CEP85L: variants seen among roughly 807,000 people sequenced by gnomAD.
CEP85L encodes centrosomal protein 85L, also known as centrosomal protein of 85 kDa-like.
A neutral mutation model predicts 100.3 loss-of-function variants in CEP85L; 60 were observed. The ratio of observed to expected loss-of-function variants is 0.60; its 90% CI spans 0.49 to 0.74. The LOEUF is 0.74. Ranked by LOEUF, CEP85L falls within the 30% of genes least tolerant of loss-of-function variation. The pLI, the probability that CEP85L is intolerant of heterozygous loss-of-function variation, is 0.00. For synonymous variants in CEP85L, 319 were observed against 322.7 expected (o/e 0.99, Z 0.12); for missense variants, 973 against 936.2 (o/e 1.04, Z -0.51).
chr6:118,670,928 T>A (rs1776287060), intron 1 of CEP85L, among the ~76,000 whole-genome samples: 1 of 151,098 alleles, frequency 6.6e-6, no homozygotes, highest in African/African-American at 2.4e-5. Flanking sequence ...ACTGCAAAAC[T>A]AGAAATTAGT....
intron 2 of CEP85L, among the ~76,000 whole-genome samples, chr6:118,606,033 T>G (rs997058884): frequency 1.6e-3 from 214 of 129,764 alleles, no homozygotes; most frequent in Middle Eastern, 4.2e-3. Flanking sequence ...AAAAAAAAAG[T>G]GGAAAGCCAA....
intron 11 of CEP85L, 62 bp from the exon 12 acceptor site, chr6:118,469,365 T>C (rs1772768110): frequency 7.6e-7 from 1 of 1,321,890 alleles, no homozygotes; most frequent in Non-Finnish European, 1.1e-6. Context: ...CTCAAAGCCA[T>C]ACAGGTTAAC....
At chr6:118,520,897 T>C (rs1206717627) in intron 4 of CEP85L, among the ~76,000 whole-genome samples, 1 of 152,230 alleles carries the variant, frequency 6.6e-6, no homozygotes, top group Non-Finnish European at 1.5e-5. Flanking sequence ...AGTTAATCTA[T>C]ACACTTTTTC....
intron 4 of CEP85L, among the ~76,000 whole-genome samples, chr6:118,519,370 C>A (rs1045835862): frequency 2.1e-5 from 3 of 145,314 alleles, no homozygotes; most frequent in Admixed American, 7.0e-5. Flanking sequence ...ACCCGGGAGG[C>A]GGAGGTTGCA....
At chr6:118,652,638 G>A, upstream of CEP85L, 2 of 1,526,456 alleles carry the variant, frequency 1.3e-6, no homozygotes, top group South Asian at 2.4e-5. Flanking sequence ...ATTTTAATTG[G>A]GAAATACTAC....
intron 3 of CEP85L, among the ~76,000 whole-genome samples, chr6:118,562,540 T>A (rs895301706): frequency 6.6e-6 from 1 of 152,092 alleles, no homozygotes; most frequent in South Asian, 2.1e-4. Flanking sequence ...ATTCTTTTTA[T>A]TTTTTGTAGA....
intron 3 of CEP85L, among the ~76,000 whole-genome samples, chr6:118,528,215 CTT>C (rs201109993): frequency 4.2e-5 from 6 of 143,028 alleles, no homozygotes; most frequent in Non-Finnish European, 4.6e-5. Context: ...TTTTCTTTTT[CTT>C]TTTTTTTTTT....
intron 2 of CEP85L, among the ~76,000 whole-genome samples, chr6:118,603,980 C>A (rs746127942): frequency 2.4e-4 from 37 of 152,184 alleles, no homozygotes; most frequent in Non-Finnish European, 5.0e-4. Flanking sequence ...TTATAAATAA[C>A]ATACATTAAG....
At chr6:118,514,267 G>A (rs1457941049) in intron 4 of CEP85L, among the ~76,000 whole-genome samples, 1 of 152,160 alleles carries the variant, frequency 6.6e-6, no homozygotes, top group African/African-American at 2.4e-5. Flanking sequence ...GCTCACATCT[G>A]TAATCCTAGC....
chr6:118,687,425 T>C (rs1015797273), intron 1 of CEP85L, among the ~76,000 whole-genome samples: 4 of 152,192 alleles, frequency 2.6e-5, no homozygotes, highest in Admixed American at 6.5e-5. Context: ...TAAGAATCCC[T>C]AAGCCTAGCT....
At chr6:118,706,672 A>G (rs1777601213) in intron 1 of CEP85L, among the ~76,000 whole-genome samples, 1 of 152,088 alleles carries the variant, frequency 6.6e-6, no homozygotes, top group Admixed American at 6.6e-5. Flanking sequence ...TCTTTTCTCA[A>G]CTTGAGATAT....
chr6:118,615,087 G>A (rs1370338181), intron 2 of CEP85L, among the ~76,000 whole-genome samples: 3 of 152,046 alleles, frequency 2.0e-5, no homozygotes, highest in Non-Finnish European at 2.9e-5. Flanking sequence ...CAACGCTGAT[G>A]AGCAAAATAA....
At chr6:118,616,184 A>T (rs1028497487) in intron 2 of CEP85L, among the ~76,000 whole-genome samples, 1 of 152,162 alleles carries the variant, frequency 6.6e-6, no homozygotes, top group Non-Finnish European at 1.5e-5. Flanking sequence ...AAAAAGCACA[A>T]ACCATAAAGG....
At chr6:118,589,155 C>T (rs1781035298) in intron 2 of CEP85L, 1 of 270,246 alleles carries the variant, frequency 3.7e-6, no homozygotes, top group East Asian at 1.0e-4. Context: ...AATGATATTG[C>T]CAGATACTTA....
At chr6:118,658,960 G>A (rs1562345374) in intron 1 of CEP85L, among the ~76,000 whole-genome samples, 2 of 152,056 alleles carry the variant, frequency 1.3e-5, no homozygotes, top group Admixed American at 6.6e-5. Flanking sequence ...ATATTTTGTA[G>A]TGTTATTTTG....
chr6:118,629,794 T>G (rs998282144), intron 2 of CEP85L, among the ~76,000 whole-genome samples: 1 of 152,136 alleles, frequency 6.6e-6, no homozygotes, highest in Non-Finnish European at 1.5e-5. Flanking sequence ...CCCCAAAATT[T>G]TAAGTTAGCA....
intron 2 of CEP85L, among the ~76,000 whole-genome samples, chr6:118,601,701 CAG>C (rs1300816883): frequency 2.0e-5 from 3 of 152,124 alleles, no homozygotes; most frequent in African/African-American, 7.2e-5. Flanking sequence ...ATATGCTAAA[CAG>C]GGGGTGGATT....
chr6:118,593,361 TA>T (rs34735075), intron 2 of CEP85L, among the ~76,000 whole-genome samples: 227 of 137,714 alleles, frequency 1.6e-3, no homozygotes, highest in Middle Eastern at 3.6e-3. Context: ...AAAAAGAATT[TA>T]AAAAAAAAAA....
upstream of CEP85L, among the ~76,000 whole-genome samples, chr6:118,654,085 G>C (rs9489488): frequency 0.029 from 4,402 of 152,246 alleles, 102 homozygotes; most frequent in African/African-American, 0.056. Context: ...CTACAGAACT[G>C]AAGAGGGATA....
Sources: allele counts gnomAD v4.1 joint callset (sites outside exome capture counted in the v4.1 genomes callset), GRCh38; gene constraint gnomAD v4.1.1; transcripts MANE v1.5; gene names NCBI Gene and HGNC (gene_info 2026-07-23, HGNC 2026-07-21).